The following DLAT variants were observed in gnomAD, a reference collection of about 807,000 sequenced individuals.
DLAT encodes dihydrolipoamide S-acetyltransferase, also known as dihydrolipoyllysine-residue acetyltransferase component of pyruvate dehydrogenase complex, mitochondrial.
DLAT carries 43 observed loss-of-function variants against 68.0 expected under a neutral mutation model. The observed-to-expected ratio is 0.63, with a 90% CI of 0.50 to 0.81. The LOEUF (loss-of-function observed/expected upper bound fraction) is 0.81, where lower values mean the gene tolerates loss of function less well. Ranked by LOEUF, DLAT falls within the 40% of genes least tolerant of loss-of-function variation. The probability of loss-of-function intolerance (pLI) is 0.00; values close to 1 mark genes in which losing one functional copy is unlikely to be tolerated. For missense variants in DLAT, 745 were observed against 815.4 expected, an observed-to-expected ratio of 0.91 and a Z score of 1.05; for synonymous variants, 265 against 288.6, an observed-to-expected ratio of 0.92 and a Z score of 0.83.
rs782438573 is a variant in DLAT at position 112,045,213 on chromosome 11, A to G, written c.1273A>G (p.Ile425Val). The change falls in exon 9 of 14, where the codon ATC (isoleucine) becomes GTC (valine). Residue 425 changes from isoleucine to valine, a missense_variant. Ile to Val is a conservative substitution (Grantham distance 29, BLOSUM62 3). Coordinates refer to ENST00000280346, the MANE Select transcript of DLAT (RefSeq NM_001931.5). ...TACAGGTGTCTTCACAGATATCCCAATCAGCAACATTCGTCGGGTAAGAGA... is the reference window on the plus strand; with the variant it reads ...TACAGGTGTCTTCACAGATATCCCAGTCAGCAACATTCGTCGGGTAAGAGA... The part of the protein sequence containing the change: ...VPTGVFTDIP[I>V]SNIRRVIAQR... 2.5e-6 allele frequency: 4 copies of G among 1,613,952 alleles called. No individual in the cohort carries two copies. Among genetic ancestry groups the G allele is most frequent in the Admixed American group, 1.7e-5 (1 of 60,010 alleles).
At chr11:112,057,488 G>A (rs1864169064) in intron 11 of DLAT, among the ~76,000 whole-genome samples, 1 of 152,230 alleles carries the variant, frequency 6.6e-6, no homozygotes, top group African/African-American at 2.4e-5. Flanking sequence ...CTATCCTGGT[G>A]AACACACGAA....
intron 4 of DLAT, among the ~76,000 whole-genome samples, chr11:112,031,036 CT>C (rs1274440760): frequency 1.3e-5 from 2 of 152,194 alleles, no homozygotes; most frequent in African/African-American, 4.8e-5. Flanking sequence ...CTTTAAGATA[CT>C]GAATTGGATT....
chr11:112,026,763 CT>C (rs1476947703), intron 2 of DLAT, among the ~76,000 whole-genome samples: 1 of 152,200 alleles, frequency 6.6e-6, no homozygotes, highest in African/African-American at 2.4e-5. Context: ...TTTTCCCCAC[CT>C]TTCCCCCCTT....
In DLAT at chr11:112,064,035, G is replaced by T; in HGVS notation, c.*1500G>T. Reference sequence around the variant, plus strand: ...TATATTCCACACAGACTTTTACCTTGCTGTATTATTATGAAAACAATACAT... The same window carrying T: ...TATATTCCACACAGACTTTTACCTTTCTGTATTATTATGAAAACAATACAT... On this transcript the variant is annotated 3_prime_UTR_variant, in exon 14 of 14. Coordinates refer to ENST00000280346, the MANE Select transcript of DLAT (RefSeq NM_001931.5). 1 of 724,480 alleles carries T rather than the reference G, an allele frequency of 1.4e-6. No homozygotes were observed. Among genetic ancestry groups the T allele is most frequent in the Non-Finnish European group, 2.2e-6 (1 of 461,796 alleles). The allele number at this position is 724,480 out of a possible 1,614,324, so 44.9% of individuals were successfully genotyped here.
chr11:112,045,066 T>G, intron 8 of DLAT, 72 bp from the exon 9 acceptor site: 1 of 1,148,452 alleles, frequency 8.7e-7, no homozygotes, highest in Non-Finnish European at 1.3e-6. Context: ...GCATAGTCAC[T>G]GGCAGTCTTT....
Position 112,025,736 on chromosome 11 carries a change from T to TC in DLAT, c.269dup (p.His91AlafsTer31). On this transcript the variant is annotated frameshift_variant, in exon 1 of 14. Transcript: ENST00000280346. LOFTEE classifies it high-confidence loss of function. The stretch of plus-strand genomic sequence containing the variant: ...CGCCCGGCCGCCGCTATTACAGTCT[T>TC]CCCCCGCATCAGAAGGTGAGCCCTA... The TC allele has an allele frequency of 6.2e-7, 1 of 1,613,102 alleles. No individual in the cohort carries two copies. Among genetic ancestry groups the TC allele is most frequent in the Non-Finnish European group, 8.5e-7 (1 of 1,179,938 alleles).
chr11:112,036,195 GTGTGTGTTTTTTTTT>G (rs1862744781), intron 5 of DLAT, among the ~76,000 whole-genome samples: 42 of 66,844 alleles, frequency 6.3e-4, no homozygotes, highest in Non-Finnish European at 1.1e-3. Context: ...GTGTGTGTGT[GTGTGTGTTTTTTTTT>G]TTTTTTTTTT....
chr11:112,030,341 A>G, intron 4 of DLAT: 2 of 488,640 alleles, frequency 4.1e-6, no homozygotes, highest in South Asian at 1.6e-5. Context: ...CCATGGGGTT[A>G]GCAGGGCTTG....
chr11:112,034,779 CTTT>C (rs1194424480), intron 5 of DLAT, among the ~76,000 whole-genome samples: 1 of 140,326 alleles, frequency 7.1e-6, no homozygotes, highest in African/African-American at 2.6e-5. Flanking sequence ...CCCGCTTTTT[CTTT>C]TTTTTTTTTG....
At chr11:112,053,817 C>T (rs1442188553) in intron 11 of DLAT, among the ~76,000 whole-genome samples, 1 of 152,128 alleles carries the variant, frequency 6.6e-6, no homozygotes, top group East Asian at 1.9e-4. Flanking sequence ...TTCCAAATAA[C>T]ATTTTTCTGT....
chr11:112,056,572 A>G (rs1259363514), intron 11 of DLAT, among the ~76,000 whole-genome samples: 1 of 152,158 alleles, frequency 6.6e-6, no homozygotes, highest in Admixed American at 6.5e-5. Flanking sequence ...ATACCTCTTT[A>G]TCATTCACCA....
Position 112,039,348 on chromosome 11 carries a change from T to C in DLAT, c.1080T>C (p.Leu360=). Residue 360 remains leucine (L), a synonymous_variant, in exon 7 of 14, where the codon CTT becomes CTC. Transcript: ENST00000280346. ...GPKGRVFVSP[L]AKKLAVEKGI... Reference sequence around the variant, plus strand: ...AGGGAAGGGTGTTTGTTAGCCCTCTTGCAAAGAAGTTGGCAGTAGAGAAAG... The same window carrying C: ...AGGGAAGGGTGTTTGTTAGCCCTCTCGCAAAGAAGTTGGCAGTAGAGAAAG... 1 of 1,614,134 alleles carries C rather than the reference T, an allele frequency of 6.2e-7. No homozygotes were observed. Among genetic ancestry groups the C allele is most frequent in the Middle Eastern group, 1.6e-4 (1 of 6,062 alleles).
intron 4 of DLAT, among the ~76,000 whole-genome samples, chr11:112,033,063 C>CAAAATA (rs587594108): frequency 2.0e-5 from 3 of 151,506 alleles, no homozygotes; most frequent in Middle Eastern, 3.2e-3. Context: ...GACTCTGTCT[C>CAAAATA]AAAATAAAAA....
At chr11:112,037,603 A>G (rs1476239730) in intron 6 of DLAT, 143 bp downstream of exon 6, 2 of 877,818 alleles carry the variant, frequency 2.3e-6, no homozygotes, top group Admixed American at 2.0e-5. Flanking sequence ...ATTTGTGGAG[A>G]CCTATAGTGT....
chr11:112,038,365 A>AT (rs1453767574), intron 6 of DLAT, among the ~76,000 whole-genome samples: 1 of 151,266 alleles, frequency 6.6e-6, no homozygotes, highest in Non-Finnish European at 1.5e-5. Flanking sequence ...TGCCCGGCTA[A>AT]TTTTTTTATT....
chr11:112,033,262 A>G, intron 4 of DLAT, 142 bp from the exon 5 acceptor site: 2 of 950,800 alleles, frequency 2.1e-6, no homozygotes, highest in Non-Finnish European at 3.2e-6. Flanking sequence ...GTGGGAAGCT[A>G]TTGAGGTGTG....
intron 2 of DLAT, among the ~76,000 whole-genome samples, chr11:112,027,139 C>G: frequency 6.6e-6 from 1 of 151,810 alleles, no homozygotes; most frequent in Non-Finnish European, 1.5e-5. Flanking sequence ...CCTCACTTCT[C>G]AGACGGGGTG....
chr11:112,032,274 A>T (rs1555180018), intron 4 of DLAT, among the ~76,000 whole-genome samples: 1 of 152,072 alleles, frequency 6.6e-6, no homozygotes, highest in African/African-American at 2.4e-5. Context: ...TCAAAAAAAA[A>T]AAAAATTATC....
rs1207190689 is a variant in DLAT, at chr11:112,062,664, A to C, written c.*129A>C. On this transcript the variant is annotated 3_prime_UTR_variant, in exon 14 of 14. Coordinates refer to ENST00000280346, the MANE Select transcript of DLAT (RefSeq NM_001931.5). ...TTTTATTATTGAGTCTGTCCAGATAAGTTATTTATAATGGGCATTACTGAA... is the reference window on the plus strand; with the variant it reads ...TTTTATTATTGAGTCTGTCCAGATACGTTATTTATAATGGGCATTACTGAA... 2.4e-5 allele frequency: 27 copies of C among 1,123,818 alleles called. No individual in the cohort carries two copies. Among genetic ancestry groups the C allele is most frequent in the Non-Finnish European group, 3.3e-5 (26 of 783,088 alleles). 69.6% of individuals were successfully genotyped at this position (1,123,818 alleles called of 1,614,324 possible). A position where few individuals can be genotyped will look rare whatever the true frequency, so the allele number is the denominator to read the frequency against.
Sources: allele counts gnomAD v4.1 joint callset (sites outside exome capture counted in the v4.1 genomes callset), GRCh38; gene constraint gnomAD v4.1.1; transcripts MANE v1.5; gene names NCBI Gene and HGNC (gene_info 2026-07-23, HGNC 2026-07-21).